P3H2: variants seen among roughly 807,000 people sequenced by gnomAD.
The protein encoded by P3H2 is prolyl 3-hydroxylase 2.
Under a neutral mutation model 87.0 loss-of-function variants are expected in P3H2, and 80 were observed. That is an observed-to-expected ratio of 0.92 (90% CI 0.77 to 1.11). The LOEUF is 1.11. Ranked by LOEUF, P3H2 falls within the 50% of genes least tolerant of loss-of-function variation. P3H2 has a pLI of 0.00. For synonymous variants in P3H2, 367 were observed against 359.3 expected (o/e 1.02, Z -0.24); for missense variants, 1,001 against 923.9 (o/e 1.08, Z -1.08).
intron 1 of P3H2, among the ~76,000 whole-genome samples, chr3:190,005,110 T>C (rs982744773): frequency 1.3e-5 from 2 of 152,248 alleles, no homozygotes; most frequent in Admixed American, 6.5e-5. Flanking sequence ...GTTTCTAAGA[T>C]AGCTTTTTGA....
At chr3:189,966,123 AAAAGAAAGAAAG>A (rs34608513) in intron 13 of P3H2, among the ~76,000 whole-genome samples, 8,354 of 101,476 alleles carry the variant, frequency 0.082, 402 homozygotes, top group Admixed American at 0.1. Flanking sequence ...GAAAGAAAGA[AAAAGAAAGAAAG>A]AAAGAAAGAA....
At position 189,995,014 on chromosome 3, in the gene P3H2, A is replaced by G. The variant is rs67120141; in HGVS notation, c.633+276T>C. Among the ~76,000 whole-genome samples the G allele has an allele frequency of 0.23, 34,450 of 151,784 alleles. 3,995 individuals carry two copies. Among genetic ancestry groups the G allele is most frequent in the Non-Finnish European group, 0.26 (17,650 of 67,880 alleles). ...GTTCTAGTTTTTATCACATTATGCC[A>G]ATTTTCTAAGTTAATTTTTATTTTC... On this transcript the variant is annotated intron_variant, in intron 2 of 14. Transcript: ENST00000319332.
At chr3:189,987,312 T>TAA (rs771677163) in intron 5 of P3H2, among the ~76,000 whole-genome samples, 1 of 147,564 alleles carries the variant, frequency 6.8e-6, no homozygotes, top group Admixed American at 6.7e-5. Context: ...CCGTCTCTAC[T>TAA]AAAAAAAAAA....
At chr3:189,959,685 T>C (rs934879246) in intron 14 of P3H2, among the ~76,000 whole-genome samples, 4 of 152,160 alleles carry the variant, frequency 2.6e-5, no homozygotes, top group Non-Finnish European at 4.4e-5. Context: ...CATTATATTC[T>C]ACGCTTTCTT....
At chr3:190,017,726 C>A (rs1437028043) in intron 1 of P3H2, among the ~76,000 whole-genome samples, 1 of 152,170 alleles carries the variant, frequency 6.6e-6, no homozygotes, top group Non-Finnish European at 1.5e-5. Flanking sequence ...GGAGCAAACA[C>A]TTTGTTTGTG....
chr3:190,113,573 G>A (rs865953761), intron 1 of P3H2, among the ~76,000 whole-genome samples: 1 of 152,284 alleles, frequency 6.6e-6, no homozygotes, highest in South Asian at 2.1e-4. Context: ...ATCAAATCCA[G>A]CAAGTCTTCA....
intron 1 of P3H2, among the ~76,000 whole-genome samples, chr3:190,008,078 T>C (rs1418482038): frequency 6.6e-6 from 1 of 151,556 alleles, no homozygotes; most frequent in Non-Finnish European, 1.5e-5. Context: ...GAAATAGCTC[T>C]TCATCTGCTG....
intron 9 of P3H2, chr3:189,974,220 T>A: frequency 1.7e-6 from 1 of 599,200 alleles, no homozygotes; most frequent in Non-Finnish European, 2.9e-6. Context: ...TGTCACTTTT[T>A]ATGGAAATAA....
intron 14 of P3H2, 25 bp downstream of exon 14, chr3:189,963,933 C>T: frequency 6.2e-6 from 10 of 1,614,092 alleles, no homozygotes; most frequent in Non-Finnish European, 8.5e-6. Flanking sequence ...GCCTAATTGG[C>T]TTTCTGGGCG....
intron 1 of P3H2, among the ~76,000 whole-genome samples, chr3:190,093,182 T>A (rs1291885215): frequency 6.6e-6 from 1 of 152,184 alleles, no homozygotes; most frequent in Non-Finnish European, 1.5e-5. Context: ...CTCTAAAACC[T>A]TAGTTGTGAT....
At chr3:190,081,812 A>G (rs1217290716) in intron 1 of P3H2, among the ~76,000 whole-genome samples, 1 of 152,226 alleles carries the variant, frequency 6.6e-6, no homozygotes, top group East Asian at 1.9e-4. Context: ...AGTCAATCAT[A>G]GGGCTGGGGC....
chr3:190,090,976 G>A (rs34267384), intron 1 of P3H2, among the ~76,000 whole-genome samples: 7,280 of 151,554 alleles, frequency 0.048, 254 homozygotes, highest in Middle Eastern at 0.1. Flanking sequence ...TTTTTATTCC[G>A]CCTGCCATCT....
chr3:190,037,672 T>C (rs1577288128), intron 1 of P3H2, among the ~76,000 whole-genome samples: 1 of 152,238 alleles, frequency 6.6e-6, no homozygotes, highest in Non-Finnish European at 1.5e-5. Flanking sequence ...ATTTGAGATA[T>C]GAATGTTAAT....
At chr3:190,096,048 C>A (rs949779289) in intron 1 of P3H2, among the ~76,000 whole-genome samples, 2 of 152,120 alleles carry the variant, frequency 1.3e-5, no homozygotes, top group African/African-American at 2.4e-5. Context: ...ATCATGTAGT[C>A]CTTTAACTGA....
rs55848820 is a variant in P3H2, at chr3:189,990,073, A to T, written c.824-1035T>A. Among the ~76,000 whole-genome samples, 6 of 151,706 alleles carry T rather than the reference A, an allele frequency of 4.0e-5. No individual in the cohort carries two copies. The East Asian group carries it at 9.8e-4, about 25-fold the overall frequency. ...ATTTACCACAACTGCCTTTTTTTCA[A>T]AAGGTTCTCTGTTTAGTCTGAGTTT... is the stretch of plus-strand genomic sequence containing the variant. On this transcript the variant is annotated intron_variant, in intron 3 of 14. Transcript: ENST00000319332.
intron 1 of P3H2, among the ~76,000 whole-genome samples, chr3:190,066,947 G>A (rs6804829): frequency 0.16 from 23,571 of 151,492 alleles, 2,653 homozygotes; most frequent in African/African-American, 0.32. Context: ...TTTGACAGTC[G>A]CTGGATGGAC....
intron 1 of P3H2, among the ~76,000 whole-genome samples, chr3:190,023,313 T>A (rs537797014): frequency 6.6e-6 from 1 of 152,118 alleles, no homozygotes; most frequent in Non-Finnish European, 1.5e-5. Flanking sequence ...AGATGATGAG[T>A]GTGTTACTCC....
chr3:190,101,446 G>C (rs574298147), intron 1 of P3H2, among the ~76,000 whole-genome samples: 17 of 143,878 alleles, frequency 1.2e-4, no homozygotes, highest in Non-Finnish European at 2.4e-4. Context: ...GGATAAGAAA[G>C]TGAAACAGCC....
rs6768801 is a variant in P3H2, at chr3:190,074,125, G to C, written c.480+46127C>G. ...TGACTCTAAATTATTTGATCTTGTG[G>C]TGTTTCAGTTTCTGGATTAGTAAAG... On this transcript the variant is annotated intron_variant, in intron 1 of 14. Coordinates refer to ENST00000319332, the MANE Select transcript of P3H2 (RefSeq NM_018192.4). Among the ~76,000 whole-genome samples, 681 of 152,240 alleles carry C rather than the reference G, an allele frequency of 4.5e-3. 7 individuals are homozygous for C. Among genetic ancestry groups the C allele is most frequent in the African/African-American group, 0.015 (643 of 41,542 alleles).
Sources: gnomAD v4.1 joint callset for allele counts (sites outside exome capture counted in the v4.1 genomes callset) on GRCh38, gnomAD v4.1.1 for gene constraint, MANE v1.5 for transcripts, NCBI Gene and HGNC (gene_info 2026-07-23, HGNC 2026-07-21) for gene names.